Variants in TMEM232 observed in about 807,000 individuals in gnomAD.
The protein encoded by TMEM232 is transmembrane protein 232.
A neutral mutation model predicts 78.8 loss-of-function variants in TMEM232; 80 were observed. That is an observed-to-expected ratio of 1.01 (90% CI 0.85 to 1.22). TMEM232 has a LOEUF of 1.22. Among genes scored for constraint, TMEM232 ranks in the 50% most tolerant of loss-of-function variants. The pLI is 0.00. For synonymous variants in TMEM232, 297 were observed against 254.3 expected (o/e 1.17, Z -1.60); for missense variants, 881 against 742.2 (o/e 1.19, Z -2.17).
At chr5:110,517,102 T>C (rs1367934040) in intron 12 of TMEM232, among the ~76,000 whole-genome samples, 1 of 152,194 alleles carries the variant, frequency 6.6e-6, no homozygotes, top group African/African-American at 2.4e-5. Context: ...AATGGAGATA[T>C]ATAGGCACGC....
intron 1 of TMEM232, among the ~76,000 whole-genome samples, chr5:110,706,825 T>C (rs940031884): frequency 2.6e-5 from 4 of 152,120 alleles, no homozygotes; most frequent in South Asian, 2.1e-4. Context: ...TTTCACATAA[T>C]GAAAAGAAAT....
intron 12 of TMEM232, among the ~76,000 whole-genome samples, chr5:110,439,295 T>G (rs182770738): frequency 1.3e-5 from 2 of 152,302 alleles, no homozygotes; most frequent in East Asian, 3.9e-4. Context: ...TTGACTATTA[T>G]TTTTGCCATT....
intron 10 of TMEM232, among the ~76,000 whole-genome samples, chr5:110,570,447 A>G (rs914494690): frequency 1.3e-5 from 2 of 151,962 alleles, no homozygotes; most frequent in Non-Finnish European, 2.9e-5. Context: ...AATAATTTGT[A>G]AGAGAAATTA....
chr5:110,571,827 A>T (rs1157950507), intron 10 of TMEM232, among the ~76,000 whole-genome samples: 1 of 151,864 alleles, frequency 6.6e-6, no homozygotes, highest in African/African-American at 2.4e-5. Flanking sequence ...AAAAATAGAT[A>T]AGGTACCAAA....
intron 12 of TMEM232, among the ~76,000 whole-genome samples, chr5:110,454,700 A>G (rs903756463): frequency 3.3e-5 from 5 of 152,152 alleles, no homozygotes; most frequent in African/African-American, 9.6e-5. Flanking sequence ...AGGAAAATGT[A>G]TAAAGGAAGG....
intron 2 of TMEM232, among the ~76,000 whole-genome samples, chr5:110,732,944 A>G (rs1327096632): frequency 6.6e-6 from 1 of 152,264 alleles, no homozygotes; most frequent in African/African-American, 2.4e-5. Flanking sequence ...TCTAATATCC[A>G]GTATCTACAA....
chr5:110,547,929 C>T (rs1773976522), intron 11 of TMEM232, among the ~76,000 whole-genome samples: 2 of 141,254 alleles, frequency 1.4e-5, no homozygotes, highest in African/African-American at 5.4e-5. Flanking sequence ...ACCCGGGAGG[C>T]GAAGGTTGCA....
intron 10 of TMEM232, among the ~76,000 whole-genome samples, chr5:110,594,465 C>T (rs150980989): frequency 1.3e-5 from 2 of 152,098 alleles, no homozygotes; most frequent in South Asian, 2.1e-4. Context: ...GAACTGTTCT[C>T]TAACCTGGAA....
At chr5:110,466,518 A>C (rs182598) in intron 12 of TMEM232, among the ~76,000 whole-genome samples, 33,128 of 151,954 alleles carry the variant, frequency 0.22, 5,363 homozygotes, top group African/African-American at 0.44. Context: ...AGAGTTAAGT[A>C]ACTTTATTGC....
At chr5:110,627,442 C>A (rs191240901) in intron 6 of TMEM232, among the ~76,000 whole-genome samples, 1,525 of 151,922 alleles carry the variant, frequency 0.01, 34 homozygotes, top group African/African-American at 0.034. Flanking sequence ...TATCAGAGTG[C>A]AAAAATTCAG....
upstream of TMEM232, chr5:110,726,947 T>A (rs1310531193): frequency 1.2e-4 from 18 of 152,174 alleles, no homozygotes; most frequent in Admixed American, 1.2e-3. Context: ...GTCTCCTCAG[T>A]GTCTTAATGC....
intron 1 of TMEM232, among the ~76,000 whole-genome samples, chr5:110,703,269 C>CA (rs1312005856): frequency 2.7e-5 from 4 of 150,326 alleles, no homozygotes; most frequent in Admixed American, 6.7e-5. Context: ...AAAAGCCCCC[C>CA]ACCCTTGCTT....
chr5:110,408,455 G>T (rs1422557677), intron 2 of TMEM232, among the ~76,000 whole-genome samples: 1 of 151,978 alleles, frequency 6.6e-6, no homozygotes, highest in Non-Finnish European at 1.5e-5. Flanking sequence ...AGCTGGGTAT[G>T]GTGGTGCATG....
At position 110,498,048 on chromosome 5, in the gene TMEM232, G is replaced by C. The variant is rs1765820165; in HGVS notation, c.1703+30540C>G. On this transcript the variant is annotated intron_variant, in intron 12 of 13. Coordinates refer to ENST00000455884, the MANE Select transcript of TMEM232 (RefSeq NM_001039763.4). ...TTAATACTTTTAATGCCTCATAACA[G>C]TTTAAATGCATTTATTTTATCAAAC... Among the ~76,000 whole-genome samples the C allele has an allele frequency of 2.0e-5, 3 of 152,008 alleles. No individual in the cohort carries two copies. In the South Asian group the frequency reaches 6.2e-4, roughly 31 times the overall value.
intron 12 of TMEM232, among the ~76,000 whole-genome samples, chr5:110,477,295 A>G (rs1331777196): frequency 1.3e-5 from 2 of 151,900 alleles, no homozygotes; most frequent in South Asian, 4.1e-4. Flanking sequence ...TTAACCATGG[A>G]TCTTTTTCAT....
intron 11 of TMEM232, among the ~76,000 whole-genome samples, chr5:110,537,645 CCTA>C (rs1772566068): frequency 6.6e-6 from 1 of 152,152 alleles, no homozygotes; most frequent in African/African-American, 2.4e-5. Context: ...CAGTGGGAAC[CCTA>C]CTAAGTCCCC....
At chr5:110,592,064 A>G (rs1308435917) in intron 10 of TMEM232, among the ~76,000 whole-genome samples, 1 of 152,156 alleles carries the variant, frequency 6.6e-6, no homozygotes, top group Non-Finnish European at 1.5e-5. Context: ...TAATGCTACA[A>G]AGGATCATGT....
chr5:110,676,731 T>TTTTTTTTATTTA (rs1554075520), intron 1 of TMEM232, among the ~76,000 whole-genome samples: 6 of 139,312 alleles, frequency 4.3e-5, no homozygotes, highest in African/African-American at 1.7e-4. Flanking sequence ...ACCCTTCATC[T>TTTTTTTTATTTA]TTTATTTATT....
intron 2 of TMEM232, among the ~76,000 whole-genome samples, chr5:110,413,285 C>G (rs1756065278): frequency 6.6e-6 from 1 of 152,142 alleles, no homozygotes; most frequent in Non-Finnish European, 1.5e-5. Context: ...ACTCCAAGTT[C>G]TTTAGCTTTT....
Sources: allele counts gnomAD v4.1 joint callset (sites outside exome capture counted in the v4.1 genomes callset), GRCh38; gene constraint gnomAD v4.1.1; transcripts MANE v1.5; gene names NCBI Gene and HGNC (gene_info 2026-07-23, HGNC 2026-07-21).